Variants in TUBGCP2 observed in about 807,000 individuals in gnomAD.
The protein encoded by TUBGCP2 is tubulin gamma complex component 2.
A neutral mutation model predicts 92.2 loss-of-function variants in TUBGCP2; 55 were observed. The ratio of observed to expected loss-of-function variants is 0.60; its 90% CI spans 0.48 to 0.75. The LOEUF (loss-of-function observed/expected upper bound fraction) is 0.75, where lower values mean the gene tolerates loss of function less well. TUBGCP2 is among the 30% of genes least tolerant of loss of function. TUBGCP2 has a pLI of 0.00. For missense variants in TUBGCP2, 1,093 were observed against 1,188.9 expected (o/e 0.92, Z 1.19); for synonymous variants, 533 against 505.2 (o/e 1.06, Z -0.74).
intron 1 of TUBGCP2, among the ~76,000 whole-genome samples, chr10:133,307,613 C>T (rs985145055): frequency 1.3e-5 from 2 of 152,166 alleles, no homozygotes; most frequent in African/African-American, 4.8e-5. Context: ...AGCCTGGTGG[C>T]GCACACTTGT....
intron 2 of TUBGCP2, chr10:133,300,489 A>G (rs763848494): frequency 2.9e-4 from 57 of 194,846 alleles, no homozygotes; most frequent in Non-Finnish European, 5.0e-4. Flanking sequence ...TGGGAGGATC[A>G]CATCAGCCTG....
In TUBGCP2 at chr10:133,288,916, C is replaced by G. The variant is rs761263768; in HGVS notation, c.1465G>C (p.Glu489Gln). The G allele has an allele frequency of 6.8e-6, 11 of 1,614,226 alleles. No homozygotes were observed. Among genetic ancestry groups the G allele is most frequent in the South Asian group, 3.3e-5 (3 of 91,078 alleles). Reference sequence around the variant, plus strand: ...TTGCTGGCGTAGTTAAACGCCTTCTCGATCTGCTCCACATACGCCCGCTCT... The same window carrying G: ...TTGCTGGCGTAGTTAAACGCCTTCTGGATCTGCTCCACATACGCCCGCTCT... Reference protein sequence around the residue: ...LKERAYVEQIEKAFNYASKVL... With the variant: ...LKERAYVEQIQKAFNYASKVL... Residue 489 changes from glutamate (E) to glutamine (Q), a missense_variant, in exon 10 of 18, where the codon GAG (glutamate) becomes CAG (glutamine). Glu to Gln is a conservative substitution (Grantham distance 29). Coordinates refer to ENST00000252936, the MANE Select transcript of TUBGCP2 (RefSeq NM_006659.4).
upstream of TUBGCP2, chr10:133,309,597 G>T: frequency 7.8e-7 from 1 of 1,278,222 alleles, no homozygotes; most frequent in Non-Finnish European, 1.1e-6. Context: ...TCCAGCTTTG[G>T]CGTGGCCGAC....
chr10:133,308,211 CTT>C (rs1187830052), intron 1 of TUBGCP2, among the ~76,000 whole-genome samples: 2 of 152,176 alleles, frequency 1.3e-5, no homozygotes, highest in East Asian at 3.9e-4. Flanking sequence ...TTAGGTGACT[CTT>C]TACTCTGACG....
At chr10:133,292,934 C>G in intron 7 of TUBGCP2, 105 bp downstream of exon 7, 1 of 1,345,836 alleles carries the variant, frequency 7.4e-7, no homozygotes, top group Non-Finnish European at 1.0e-6. Context: ...CGCCCCTGCC[C>G]TGGGCAGCTG....
intron 5 of TUBGCP2, chr10:133,297,272 C>T: frequency 3.0e-6 from 1 of 332,690 alleles, no homozygotes; most frequent in Non-Finnish European, 5.8e-6. Context: ...CGTGGTGGCG[C>T]CTGCAGTCCC....
intron 5 of TUBGCP2, among the ~76,000 whole-genome samples, chr10:133,294,020 C>G (rs1405286387): frequency 6.6e-6 from 1 of 152,230 alleles, no homozygotes; most frequent in Non-Finnish European, 1.5e-5. Flanking sequence ...CTCCGCAATG[C>G]TCAGATACAT....
chr10:133,293,063 T>C lies in TUBGCP2; in HGVS notation c.1000A>G (p.Thr334Ala). The change falls in exon 7 of 18, where the codon ACC (threonine) becomes GCC (alanine). Residue 334 changes from threonine to alanine, a missense_variant. Transcript: ENST00000252936. ...LWFYIQPAMRTMDILASLATS... is the reference protein window; with the variant it reads ...LWFYIQPAMRAMDILASLATS... ...CCGAGGGAGGCCAGGATGTCCATGG[T>C]GCGCATGGCTGGCTGGATGTAGAAC... is the stretch of plus-strand genomic sequence containing the variant. 1 of 1,613,454 alleles carries C rather than the reference T, an allele frequency of 6.2e-7. No individual in the cohort carries two copies. The highest frequency in any genetic ancestry group is 2.2e-5 in the East Asian group (1 of 44,872).
At chr10:133,312,301 C>G (rs1848010699), upstream of TUBGCP2, 1 of 1,216,824 alleles carries the variant, frequency 8.2e-7, no homozygotes, top group Admixed American at 4.2e-5. Context: ...TCTAGCGTCA[C>G]CTGTGCCGTC....
At chr10:133,302,503 C>CGCTCACCCTGCACCCTGCACCAGA (rs1847693620) in intron 2 of TUBGCP2, 1 of 319,798 alleles carries the variant, frequency 3.1e-6, no homozygotes, top group African/African-American at 3.6e-5. Flanking sequence ...GACCCAGGGG[C>CGCTCACCCTGCACCCTGCACCAGA]GGTGCTCATC....
chr10:133,293,338 A>T, intron 6 of TUBGCP2, 100 bp from the exon 7 acceptor site: 5 of 1,411,948 alleles, frequency 3.5e-6, no homozygotes, highest in Non-Finnish European at 4.9e-6. Context: ...CAAATGACTC[A>T]CTTGAACCCC....
rs142393165 is a variant in TUBGCP2 at position 133,299,437 on chromosome 10, G to A, written c.446C>T (p.Thr149Met). 3.1e-5 allele frequency: 50 copies of A among 1,603,592 alleles called. No individual in the cohort carries two copies. Among genetic ancestry groups the A allele is most frequent in the African/African-American group, 2.5e-4 (19 of 74,792 alleles). Residue 149 changes from threonine (T) to methionine (M), a missense_variant, in exon 4 of 18, where the codon ACG becomes ATG. Around this residue, in one of 3 missense-constraint regions of TUBGCP2, gnomAD observed 490 missense variants for 488.5 expected, o/e 1.00. Coordinates refer to ENST00000252936, the MANE Select transcript of TUBGCP2 (RefSeq NM_006659.4). ...KQLGSVATGS[T>M]LQQSLELKRK... ...CCATGGACGCAGTACCTGCTGCAGCGTGGAGCCTGTGGCCACGCTGCCAAG... is the reference window on the plus strand; with the variant it reads ...CCATGGACGCAGTACCTGCTGCAGCATGGAGCCTGTGGCCACGCTGCCAAG...
At chr10:133,312,280 C>CT, upstream of TUBGCP2, 1 of 1,270,862 alleles carries the variant, frequency 7.9e-7, no homozygotes, top group Non-Finnish European at 9.9e-7. Context: ...ATGACCTGTA[C>CT]TGTCTGCCTT....
At chr10:133,299,925 C>T (rs906395280) in intron 3 of TUBGCP2, 60 bp downstream of exon 3, 24 of 1,593,206 alleles carry the variant, frequency 1.5e-5, no homozygotes, top group Non-Finnish European at 2.0e-5. Flanking sequence ...GCAGGAGACG[C>T]GACCCCACTC....
At position 133,297,220 on chromosome 10, in the gene TUBGCP2, G is replaced by A. The variant is rs138482389; in HGVS notation, c.616+732C>T. 621 of 309,814 alleles carry A rather than the reference G, an allele frequency of 2.0e-3. 5 individuals carry two copies. The highest frequency in any genetic ancestry group is 0.013 in the African/African-American group (575 of 43,416). The allele number at this position is 309,814 out of a possible 1,614,324, so 19.2% of individuals were successfully genotyped here. A position where few individuals can be genotyped will look rare whatever the true frequency, so the allele number is the denominator to read the frequency against. On this transcript the variant is annotated intron_variant, in intron 5 of 17. Transcript: ENST00000252936. ...AGTTCGAGACCAGTCTGGCCAACAC[G>A]GCAAAACCCCGTCTCTACTAAAAAT... is the stretch of plus-strand genomic sequence containing the variant.
chr10:133,293,919 A>C, intron 5 of TUBGCP2, 150 bp from the exon 6 acceptor site: 2 of 832,410 alleles, frequency 2.4e-6, no homozygotes, highest in Non-Finnish European at 3.8e-6. Context: ...GACTGACCCC[A>C]CTGGGGAGCC....
At position 133,298,135 on chromosome 10, in the gene TUBGCP2, A is replaced by C. The variant is rs1847533693; in HGVS notation, c.457-24T>G. Reference sequence around the variant, plus strand: ...GACTAGCAAGGACATTTTAAAAAACAAAACCAGAAAGATACACTTTAGCGC... The same window carrying C: ...GACTAGCAAGGACATTTTAAAAAACCAAACCAGAAAGATACACTTTAGCGC... On this transcript the variant is annotated intron_variant, in intron 4 of 17. Transcript: ENST00000252936. 1.9e-6 allele frequency: 3 copies of C among 1,608,388 alleles called. No individual in the cohort carries two copies. In the African/African-American group the frequency reaches 4.0e-5, roughly 22 times the overall value.
chr10:133,279,645 C>G lies in TUBGCP2; in HGVS notation c.*121G>C. The G allele has an allele frequency of 7.4e-7, 1 of 1,358,488 alleles. No individual in the cohort carries two copies. The highest frequency in any genetic ancestry group is 9.6e-7 in the Non-Finnish European group (1 of 1,046,602). 84.2% of individuals were successfully genotyped at this position (1,358,488 alleles called of 1,614,324 possible). On this transcript the variant is annotated 3_prime_UTR_variant, in exon 18 of 18. Transcript: ENST00000252936. Reference sequence around the variant, plus strand: ...GAGAAACAAAGTGAGCTGAGTCAATCATTCCTGCTTTATATTTAAACTGCA... The same window carrying G: ...GAGAAACAAAGTGAGCTGAGTCAATGATTCCTGCTTTATATTTAAACTGCA...
At chr10:133,280,169 CTAA>C (rs887351495) in intron 17 of TUBGCP2, among the ~76,000 whole-genome samples, 2 of 152,166 alleles carry the variant, frequency 1.3e-5, no homozygotes, top group African/African-American at 4.8e-5. Flanking sequence ...ACGCTCCTAA[CTAA>C]TGTTTCCACA....
Sources: gnomAD v4.1 joint callset for allele counts (sites outside exome capture counted in the v4.1 genomes callset) on GRCh38, gnomAD v4.1.1 for gene constraint, gnomAD v4.1.1 regional missense constraint, MANE v1.5 for transcripts, NCBI Gene and HGNC (gene_info 2026-07-23, HGNC 2026-07-21) for gene names.